The following MAPK11 variants were observed in gnomAD, a reference collection of about 807,000 sequenced individuals.
MAPK11 encodes the protein MAP kinase 11.
In MAPK11, 44 loss-of-function variants were observed where a neutral mutation model predicts 52.2. The ratio of observed to expected loss-of-function variants is 0.84; its 90% CI spans 0.66 to 1.08. The LOEUF (loss-of-function observed/expected upper bound fraction) is 1.08, where lower values mean the gene tolerates loss of function less well. Ranked by LOEUF, MAPK11 falls within the 50% of genes least tolerant of loss-of-function variation. The pLI is 0.00. For synonymous variants in MAPK11, 233 were observed against 206.3 expected, an observed-to-expected ratio of 1.13 and a Z score of -1.11; for missense variants, 436 against 494.7, an observed-to-expected ratio of 0.88 and a Z score of 1.13.
chr22:50,266,783 T>C (rs1347881182), intron 7 of MAPK11, 151 bp downstream of exon 7: 1 of 957,622 alleles, frequency 1.0e-6, no homozygotes, highest in South Asian at 1.4e-5. Flanking sequence ...CCAGCACCCA[T>C]CATGCTCTAG....
chr22:50,270,078 G>A lies in MAPK11; in HGVS notation c.116+99C>T, dbSNP rs1273516268. 15 of 457,028 alleles carry A rather than the reference G, an allele frequency of 3.3e-5. No homozygotes were observed. The highest frequency in any genetic ancestry group is 4.1e-5 in the Non-Finnish European group (12 of 289,254). 28.3% of individuals were successfully genotyped at this position (457,028 alleles called of 1,614,324 possible). On this transcript the variant is annotated intron_variant, in intron 1 of 11. Coordinates refer to ENST00000330651, the MANE Select transcript of MAPK11 (RefSeq NM_002751.7). This position sits in a 1 kb window ranked among gnomAD's most constrained non-coding sequence, Gnocchi z 6.3. ...GCGCCCGGGGGCGGAGGCAGGGCGA[G>A]GCCCCTCCCCACGCCGAGAACCTCG...
chr22:50,265,201 T>C (rs867886512), intron 11 of MAPK11, 120 bp downstream of exon 11: 6 of 1,406,864 alleles, frequency 4.3e-6, no homozygotes, highest in Middle Eastern at 1.8e-4. Context: ...CAGCCTGTGC[T>C]GGACACCTGA....
Position 50,267,862 on chromosome 22 carries a change from C to G in MAPK11, c.204G>C (p.Thr68=), listed in dbSNP as rs376961114. Residue 68 remains threonine (T), a synonymous_variant, in exon 2 of 12, where the codon ACG becomes ACC. Transcript: ENST00000330651. ...PFQSLIHARR[T]YRELRLLKHL... Reference sequence around the variant, plus strand: ...GCTTGAGCAGCCGCAGCTCCCGGTACGTTCTGCGCGCGTGGATCAGCGACT... The same window carrying G: ...GCTTGAGCAGCCGCAGCTCCCGGTAGGTTCTGCGCGCGTGGATCAGCGACT... 7 of 1,586,842 alleles carry G rather than the reference C, an allele frequency of 4.4e-6. No individual in the cohort carries two copies. The African/African-American group carries it at 7.0e-5, about 16-fold the overall frequency.
intron 4 of MAPK11, 29 bp from the exon 5 acceptor site, chr22:50,267,315 G>C (rs200423174): frequency 6.9e-6 from 11 of 1,590,548 alleles, no homozygotes; most frequent in South Asian, 6.8e-5. Flanking sequence ...GGTGAGCGCC[G>C]GGCCCGGCCC....
At position 50,265,500 on chromosome 22, in the gene MAPK11, G is replaced by C. The variant is rs770016423; in HGVS notation, c.842-6C>G. ...CCTTCCAAGGAGGTCTATGGCTGCAGGGAAGCCAGTGGTGGGGAGGGGGGT... is the reference window on the plus strand; with the variant it reads ...CCTTCCAAGGAGGTCTATGGCTGCACGGAAGCCAGTGGTGGGGAGGGGGGT... On this transcript the variant is annotated splice_region_variant and splice_polypyrimidine_tract_variant and intron_variant, in intron 10 of 11. Transcript: ENST00000330651. 14 of 1,612,936 alleles carry C rather than the reference G, an allele frequency of 8.7e-6. No individual in the cohort carries two copies. The highest frequency in any genetic ancestry group is 3.3e-4 in the Middle Eastern group (2 of 6,084).
chr22:50,266,886 C>G (rs761844150), intron 7 of MAPK11, 48 bp downstream of exon 7: 15 of 1,547,396 alleles, frequency 9.7e-6, no homozygotes, highest in Non-Finnish European at 1.3e-5. Context: ...CAGTCGAGGG[C>G]CAGACGAGGC....
chr22:50,265,402 G>A lies in MAPK11; in HGVS notation c.934C>T (p.His312Tyr). 5 of 1,613,144 alleles carry A rather than the reference G, an allele frequency of 3.1e-6. No homozygotes were observed. The highest frequency in any genetic ancestry group is 4.2e-6 in the Non-Finnish European group (5 of 1,180,014). ...ALAHAYFSQY[H>Y]DPEDEPEAEP... The stretch of plus-strand genomic sequence containing the variant: ...GCCTCTGGCTCATCCTCGGGGTCGT[G>A]GTACTGGCTGAAGTAGGCGTGGGCC... The change falls in exon 11 of 12, where the codon CAC becomes TAC. Residue 312 changes from histidine to tyrosine, a missense_variant. By Grantham distance (83) the His-to-Tyr change is moderately conservative. Transcript: ENST00000330651.
At position 50,267,447 on chromosome 22, in the gene MAPK11, T is replaced by C; in HGVS notation, c.341A>G (p.Asn114Ser). 1 of 1,609,902 alleles carries C rather than the reference T, an allele frequency of 6.2e-7. No individual in the cohort carries two copies. Among genetic ancestry groups the C allele is most frequent in the Non-Finnish European group, 8.5e-7 (1 of 1,178,704 alleles). ...LVTTLMGADLNNIVKCQALSD... is the reference protein window; with the variant it reads ...LVTTLMGADLSNIVKCQALSD... ...CAGCGCCTGGCACTTGACGATGTTG[T>C]TCAGGTCGGCGCCCATCAGGGTGGT... is the stretch of plus-strand genomic sequence containing the variant. The change falls in exon 4 of 12, where the codon AAC becomes AGC. Residue 114 changes from asparagine (N) to serine (S), a missense_variant. Coordinates refer to ENST00000330651, the MANE Select transcript of MAPK11 (RefSeq NM_002751.7).
chr22:50,267,035 C>G lies in MAPK11; in HGVS notation c.509G>C (p.Gly170Ala). ...CTCCTCGTCCGCCTGGCGCGCCAGC[C>G]CAAAATCCAGGATCTGGGGCGACCA... ...EDCELRILDF[G>A]LARQADEEMT... The change falls in exon 7 of 12, where the codon GGG becomes GCG. Residue 170 changes from glycine to alanine, a missense_variant. By Grantham distance (60) the Gly-to-Ala change is moderately conservative. Transcript: ENST00000330651. 1 of 1,612,342 alleles carries G rather than the reference C, an allele frequency of 6.2e-7. No individual in the cohort carries two copies. The highest frequency in any genetic ancestry group is 1.1e-5 in the South Asian group (1 of 91,064).
At position 50,264,913 on chromosome 22, in the gene MAPK11, C is replaced by T; in HGVS notation, c.*35G>A. ...CTGTGGAAGGGTGCAGGCCCAAGCC[C>T]CTCCACAGGCTCTCAGGGGCTGCTG... On this transcript the variant is annotated 3_prime_UTR_variant, in exon 12 of 12. Coordinates refer to ENST00000330651, the MANE Select transcript of MAPK11 (RefSeq NM_002751.7). The T allele has an allele frequency of 1.3e-6, 2 of 1,578,468 alleles. No individual in the cohort carries two copies. Among genetic ancestry groups the T allele is most frequent in the Non-Finnish European group, 1.7e-6 (2 of 1,157,110 alleles).
rs1431612986 is a variant in MAPK11 at position 50,267,490 on chromosome 22, G to A, written c.306-8C>T. The A allele has an allele frequency of 3.8e-6, 6 of 1,593,582 alleles. No homozygotes were observed. The highest frequency in any genetic ancestry group is 1.7e-4 in the Middle Eastern group (1 of 6,060). ...AGGGTGGTCACCAAGTACCTGGGGC[G>A]GGGTCAGGGGGTCAGGACAGGGCCC... On this transcript the variant is annotated splice_region_variant and splice_polypyrimidine_tract_variant and intron_variant, in intron 3 of 11. Coordinates refer to ENST00000330651, the MANE Select transcript of MAPK11 (RefSeq NM_002751.7).
chr22:50,267,088 T>TCCG (rs770295917), intron 6 of MAPK11, 39 bp downstream of exon 6: 3 of 1,611,054 alleles, frequency 1.9e-6, no homozygotes, highest in South Asian at 1.1e-5. Context: ...CCGCACGGGC[T>TCCG]CCGCCGCCGC....
rs200136365 is a variant in MAPK11 at position 50,264,734 on chromosome 22, A to G, written c.*214T>C. ...GGAGGACCAAGGTAGGCCCAGGGAC[A>G]CTTGTGCCCAGACTCCTACACATGG... On this transcript the variant is annotated 3_prime_UTR_variant, in exon 12 of 12. Coordinates refer to ENST00000330651, the MANE Select transcript of MAPK11 (RefSeq NM_002751.7). 1 of 526,140 alleles carries G rather than the reference A, an allele frequency of 1.9e-6. No individual in the cohort carries two copies. The highest frequency in any genetic ancestry group is 3.4e-6 in the Non-Finnish European group (1 of 291,058). The allele number at this position is 526,140 out of a possible 1,614,324, so 32.6% of individuals were successfully genotyped here.
rs750199830 is a variant in MAPK11, at chr22:50,267,601, C to T, written c.273G>A (p.Thr91=). ...ENVIGLLDVF[T]PATSIEDFSE... ...TGAAGTCCTCGATGGACGTGGCCGG[C>T]GTGAAGACGTCCAGAAGCCCGATGA... The change falls in exon 3 of 12, where the codon ACG becomes ACA. Residue 91 remains threonine (T), a synonymous_variant. Transcript: ENST00000330651. 3.2e-6 allele frequency: 5 copies of T among 1,543,460 alleles called. No individual in the cohort carries two copies. The African/African-American group carries it at 4.1e-5, about 13-fold the overall frequency.
At chr22:50,268,055 C>G in intron 1 of MAPK11, 106 bp from the exon 2 acceptor site, 516 of 888,026 alleles carry the variant, frequency 5.8e-4, no homozygotes, top group Middle Eastern at 1.6e-3. Context: ...GGGATGGGGC[C>G]GTGGGGCTTT....
rs1373969799 is a variant in MAPK11 at position 50,264,129 on chromosome 22, G to A, written c.*819C>T. 1 of 151,196 alleles carries A rather than the reference G, an allele frequency of 6.6e-6. No homozygotes were observed. The highest frequency in any genetic ancestry group is 2.4e-5 in the African/African-American group (1 of 41,152). The allele number at this position is 151,196 out of a possible 1,614,324, so 9.4% of individuals were successfully genotyped here. A position where few individuals can be genotyped will look rare whatever the true frequency, so the allele number is the denominator to read the frequency against. ...GAAAGCCCCTGCCCATGCTCATGTG[G>A]TTGCCCTTTGGCCCACTGGAGCCGC... On this transcript the variant is annotated 3_prime_UTR_variant, in exon 12 of 12. Coordinates refer to ENST00000330651, the MANE Select transcript of MAPK11 (RefSeq NM_002751.7).
intron 3 of MAPK11, 30 bp downstream of exon 3, chr22:50,267,539 C>T (rs773605712): frequency 1.7e-5 from 27 of 1,549,224 alleles, no homozygotes; most frequent in South Asian, 2.4e-5. Flanking sequence ...CGAACGCGCT[C>T]CCCGCTGCCT....
rs1236391748 is a variant in MAPK11, at chr22:50,264,695, G to A, written c.*253C>T. 1 of 453,830 alleles carries A rather than the reference G, an allele frequency of 2.2e-6. No homozygotes were observed. The highest frequency in any genetic ancestry group is 4.0e-6 in the Non-Finnish European group (1 of 247,738). The allele number at this position is 453,830 out of a possible 1,614,324, so 28.1% of individuals were successfully genotyped here. A position where few individuals can be genotyped will look rare whatever the true frequency, so the allele number is the denominator to read the frequency against. On this transcript the variant is annotated 3_prime_UTR_variant, in exon 12 of 12. Transcript: ENST00000330651. Reference sequence around the variant, plus strand: ...TCAGGTCCCAGTGGAGAGTGCAGTAGCCAGAAGAGGACAGGAGGACCAAGG... The same window carrying A: ...TCAGGTCCCAGTGGAGAGTGCAGTAACCAGAAGAGGACAGGAGGACCAAGG...
chr22:50,266,746 G>A, intron 7 of MAPK11, 135 bp from the exon 8 acceptor site: 1 of 990,780 alleles, frequency 1.0e-6, no homozygotes. Context: ...GGCAGGGGGA[G>A]GTCCATAGCT....
Sources: gnomAD v4.1 joint callset for allele counts on GRCh38, gnomAD v4.1.1 for gene constraint, Gnocchi (gnomAD v3.1) non-coding constraint, MANE v1.5 for transcripts, NCBI Gene and HGNC (gene_info 2026-07-23, HGNC 2026-07-21) for gene names.